The following RHO variants were observed in gnomAD, a reference collection of about 807,000 sequenced individuals.
The protein encoded by RHO is rhodopsin, also known as opsin 2, rod pigment.
In RHO, 21 loss-of-function variants were observed where a neutral mutation model predicts 31.2. The observed-to-expected ratio is 0.67, with a 90% CI of 0.48 to 0.97. The LOEUF is 0.97. RHO is among the 50% of genes least tolerant of loss of function. The probability of loss-of-function intolerance (pLI) is 0.00; values close to 1 mark genes in which losing one functional copy is unlikely to be tolerated. For missense variants in RHO, 414 were observed against 479.5 expected (o/e 0.86, Z 1.28); for synonymous variants, 211 against 196.6 (o/e 1.07, Z -0.61).
At chr3:129,530,549 C>CACAA (rs1553781108) in intron 1 of RHO, among the ~76,000 whole-genome samples, 3 of 151,516 alleles carry the variant, frequency 2.0e-5, no homozygotes, top group African/African-American at 7.3e-5. Flanking sequence ...CACACACACA[C>CACAA]ACACACACAC....
rs2084783716 is a variant in RHO, at chr3:129,532,023, G to A, written c.531-228G>A. Among the ~76,000 whole-genome samples the A allele has an allele frequency of 6.6e-6, 1 of 152,208 alleles. No homozygotes were observed. The highest frequency in any genetic ancestry group is 2.4e-5 in the African/African-American group (1 of 41,450). Reference sequence around the variant, plus strand: ...TGGGCATGCAGGGAGAGGCTGGGTGGTGTCATCTGGTAACGCAGCCACCAA... The same window carrying A: ...TGGGCATGCAGGGAGAGGCTGGGTGATGTCATCTGGTAACGCAGCCACCAA... On this transcript the variant is annotated intron_variant, in intron 2 of 4. Coordinates refer to ENST00000296271, the MANE Select transcript of RHO (RefSeq NM_000539.3). The surrounding 1 kb of genome is among the most constrained non-coding windows in gnomAD (Gnocchi z 5.5).
chr3:129,532,416 G>A lies in RHO; in HGVS notation c.696G>A (p.Glu232=). 1 of 1,614,060 alleles carries A rather than the reference G, an allele frequency of 6.2e-7. No individual in the cohort carries two copies. ...CYGQLVFTVK[E]AAAQQQESAT... ...GGCAGCTCGTCTTCACCGTCAAGGA[G>A]GTACGGGCCGGGGGGTGGGCGGCCT... is the stretch of plus-strand genomic sequence containing the variant. The change falls in exon 3 of 5, where the codon GAG becomes GAA. Residue 232 remains glutamate (E), a splice_region_variant and synonymous_variant. Coordinates refer to ENST00000296271, the MANE Select transcript of RHO (RefSeq NM_000539.3). This position sits in a 1 kb window ranked among gnomAD's most constrained non-coding sequence, Gnocchi z 5.5.
chr3:129,531,020 C>T lies in RHO; in HGVS notation c.506C>T (p.Ala169Val). ...FTWVMALACA[A>V]PPLAGWSRYI... ...TGGGTCATGGCGCTGGCCTGCGCCGCACCCCCACTCGCCGGCTGGTCCAGG... is the reference window on the plus strand; with the variant it reads ...TGGGTCATGGCGCTGGCCTGCGCCGTACCCCCACTCGCCGGCTGGTCCAGG... The change falls in exon 2 of 5, where the codon GCA becomes GTA. Residue 169 changes from alanine to valine, a missense_variant. Transcript: ENST00000296271. The T allele has an allele frequency of 6.2e-7, 1 of 1,614,110 alleles. No individual in the cohort carries two copies. The highest frequency in any genetic ancestry group is 2.2e-5 in the East Asian group (1 of 44,884).
rs548460589 is a variant in RHO, at chr3:129,533,750, G to A, written c.*32G>A. ...CCTAGGACTCTGTGGCCGACTATAG[G>A]CGTCTCCCATCCCCTACACCTTCCC... On this transcript the variant is annotated 3_prime_UTR_variant, in exon 5 of 5. Coordinates refer to ENST00000296271, the MANE Select transcript of RHO (RefSeq NM_000539.3). The A allele has an allele frequency of 1.0e-5, 15 of 1,463,680 alleles. No individual in the cohort carries two copies. The highest frequency in any genetic ancestry group is 1.3e-5 in the Non-Finnish European group (14 of 1,043,686). The allele number at this position is 1,463,680 out of a possible 1,614,324, so 90.7% of individuals were successfully genotyped here.
chr3:129,530,969 A>G lies in RHO; in HGVS notation c.455A>G (p.His152Arg). Residue 152 changes from histidine (H) to arginine (R), a missense_variant, in exon 2 of 5, where the codon CAT becomes CGT. By Grantham distance (29) the His-to-Arg change is conservative (BLOSUM62 0). Transcript: ENST00000296271. Reference protein sequence around the residue: ...PMSNFRFGENHAIMGVAFTWV... With the variant: ...PMSNFRFGENRAIMGVAFTWV... ...AGCAACTTCCGCTTCGGGGAGAACC[A>G]TGCCATCATGGGCGTTGCCTTCACC... The G allele has an allele frequency of 6.2e-7, 1 of 1,614,232 alleles. No individual in the cohort carries two copies. The highest frequency in any genetic ancestry group is 8.5e-7 in the Non-Finnish European group (1 of 1,180,034).
At position 129,532,597 on chromosome 3, in the gene RHO, T is replaced by C; in HGVS notation, c.761T>C (p.Val254Ala). The change falls in exon 4 of 5, where the codon GTC becomes GCC. Residue 254 changes from valine to alanine, a missense_variant. By Grantham distance (64) the Val-to-Ala change is moderately conservative. Coordinates refer to ENST00000296271, the MANE Select transcript of RHO (RefSeq NM_000539.3). This position sits in a 1 kb window ranked among gnomAD's most constrained non-coding sequence, Gnocchi z 5.5. ...QKAEKEVTRM[V>A]IIMVIAFLIC... ...GCAGAGAAGGAGGTCACCCGCATGG[T>C]CATCATCATGGTCATCGCTTTCCTG... 1.2e-6 allele frequency: 2 copies of C among 1,614,154 alleles called. No homozygotes were observed. The highest frequency in any genetic ancestry group is 1.7e-6 in the Non-Finnish European group (2 of 1,180,038).
Position 129,532,211 on chromosome 3 carries a change from G to C in RHO, c.531-40G>C. On this transcript the variant is annotated intron_variant, in intron 2 of 4. Coordinates refer to ENST00000296271, the MANE Select transcript of RHO (RefSeq NM_000539.3). This position sits in a 1 kb window ranked among gnomAD's most constrained non-coding sequence, Gnocchi z 5.5. ...CGGCAGCCACCTTGGCTGTTCCCAA[G>C]TCCCTCACAGGCAGGGTCTCCCTAC... 1 of 1,594,122 alleles carries C rather than the reference G, an allele frequency of 6.3e-7. No individual in the cohort carries two copies. The highest frequency in any genetic ancestry group is 8.6e-7 in the Non-Finnish European group (1 of 1,162,124).
At position 129,530,982 on chromosome 3, in the gene RHO, C is replaced by T. The variant is rs760667657; in HGVS notation, c.468C>T (p.Gly156=). 1.2e-5 allele frequency: 20 copies of T among 1,614,148 alleles called. No homozygotes were observed. The highest frequency in any genetic ancestry group is 5.5e-5 in the South Asian group (5 of 91,096). ...FRFGENHAIM[G]VAFTWVMALA... ...TCGGGGAGAACCATGCCATCATGGG[C>T]GTTGCCTTCACCTGGGTCATGGCGC... Residue 156 remains glycine (G), a synonymous_variant, in exon 2 of 5, where the codon GGC becomes GGT. Coordinates refer to ENST00000296271, the MANE Select transcript of RHO (RefSeq NM_000539.3).
In RHO at chr3:129,532,478, C is replaced by T. The variant is rs370370574; in HGVS notation, c.697-55C>T. On this transcript the variant is annotated intron_variant, in intron 3 of 4. Transcript: ENST00000296271. The surrounding 1 kb of genome is among the most constrained non-coding windows in gnomAD (Gnocchi z 5.5). Reference sequence around the variant, plus strand: ...GGGTCCAGCCCCCAGCATGCATCTGCGGCTCCTGCTCCCTGGAGGAGCCAT... The same window carrying T: ...GGGTCCAGCCCCCAGCATGCATCTGTGGCTCCTGCTCCCTGGAGGAGCCAT... 114 of 1,613,724 alleles carry T rather than the reference C, an allele frequency of 7.1e-5. No individual in the cohort carries two copies. In the East Asian group the frequency reaches 2.0e-3, roughly 28 times the overall value.
rs750519691 is a variant in RHO, at chr3:129,529,129, C to T, written c.361+35C>T. On this transcript the variant is annotated intron_variant, in intron 1 of 4. Coordinates refer to ENST00000296271, the MANE Select transcript of RHO (RefSeq NM_000539.3). ...GGGTGTGGGTGGGGTGTGCAGGAGC[C>T]CGGGAGCATGGAGGGGTCTGGGAGA... 8.8e-6 allele frequency: 14 copies of T among 1,597,858 alleles called. No individual in the cohort carries two copies. In the South Asian group the frequency reaches 1.4e-4, roughly 17 times the overall value.
Position 129,532,813 on chromosome 3 carries a change from C to T in RHO, c.936+41C>T, listed in dbSNP as rs2084793937. 1 of 1,611,848 alleles carries T rather than the reference C, an allele frequency of 6.2e-7. No homozygotes were observed. The highest frequency in any genetic ancestry group is 2.2e-5 in the East Asian group (1 of 44,888). On this transcript the variant is annotated intron_variant, in intron 4 of 4. Coordinates refer to ENST00000296271, the MANE Select transcript of RHO (RefSeq NM_000539.3). This position sits in a 1 kb window ranked among gnomAD's most constrained non-coding sequence, Gnocchi z 5.5. ...GGGAGGGCCCCAGTGCCCCAGGCCA[C>T]AGGCGCTGCCTGCCAAGGACAAGCT...
chr3:129,532,733 C>T lies in RHO; in HGVS notation c.897C>T (p.Ala299=), dbSNP rs2084793172. 2 of 1,614,148 alleles carry T rather than the reference C, an allele frequency of 1.2e-6. No individual in the cohort carries two copies. The highest frequency in any genetic ancestry group is 1.7e-6 in the Non-Finnish European group (2 of 1,180,054). ...CAGCGTTCTTTGCCAAGAGCGCCGC[C>T]ATCTACAACCCTGTCATCTATATCA... ...TIPAFFAKSA[A]IYNPVIYIMM... Residue 299 remains alanine, a synonymous_variant, in exon 4 of 5, where the codon GCC becomes GCT. Coordinates refer to ENST00000296271, the MANE Select transcript of RHO (RefSeq NM_000539.3). This position sits in a 1 kb window ranked among gnomAD's most constrained non-coding sequence, Gnocchi z 5.5.
At chr3:129,529,687 G>A (rs1267882076) in intron 1 of RHO, among the ~76,000 whole-genome samples, 1 of 152,214 alleles carries the variant, frequency 6.6e-6, no homozygotes, top group Non-Finnish European at 1.5e-5. Flanking sequence ...TGCCCCTCCA[G>A]CCTCCCTGCC....
chr3:129,530,798 C>A, intron 1 of RHO, 78 bp from the exon 2 acceptor site: 1 of 1,584,860 alleles, frequency 6.3e-7, no homozygotes, highest in Non-Finnish European at 8.7e-7. Flanking sequence ...TTCCTAGCTA[C>A]CCTCTCCCTG....
chr3:129,534,807 A>G lies in RHO; in HGVS notation c.*1089A>G, dbSNP rs1001703259. On this transcript the variant is annotated 3_prime_UTR_variant, in exon 5 of 5. Transcript: ENST00000296271. ...CTAGAGCATGGAGCCTCTAGAAGCC[A>G]TGCTCACCCGCCCACATTTAATTAA... 3 of 152,610 alleles carry G rather than the reference A, an allele frequency of 2.0e-5. No homozygotes were observed. Among genetic ancestry groups the G allele is most frequent in the Admixed American group, 6.5e-5 (1 of 15,282 alleles). The allele number at this position is 152,610 out of a possible 1,614,324, so 9.5% of individuals were successfully genotyped here. A position where few individuals can be genotyped will look rare whatever the true frequency, so the allele number is the denominator to read the frequency against.
rs2084803976 is a variant in RHO, at chr3:129,534,005, G to A, written c.*287G>A. The A allele has an allele frequency of 5.0e-6, 2 of 397,820 alleles. No homozygotes were observed. The highest frequency in any genetic ancestry group is 9.4e-6 in the Non-Finnish European group (2 of 213,484). The allele number at this position is 397,820 out of a possible 1,614,324, so 24.6% of individuals were successfully genotyped here. On this transcript the variant is annotated 3_prime_UTR_variant, in exon 5 of 5. Coordinates refer to ENST00000296271, the MANE Select transcript of RHO (RefSeq NM_000539.3). Reference sequence around the variant, plus strand: ...CCCAACTCATCTTTCAGGAACACGAGGATTCTTGCTTTCTGGAAAAGTGTC... The same window carrying A: ...CCCAACTCATCTTTCAGGAACACGAAGATTCTTGCTTTCTGGAAAAGTGTC...
At chr3:129,531,203 C>G (rs1460444620) in intron 2 of RHO, among the ~76,000 whole-genome samples, 159 bp downstream of exon 2, 1 of 152,220 alleles carries the variant, frequency 6.6e-6, no homozygotes, top group African/African-American at 2.4e-5. Flanking sequence ...GAAGAAGAAA[C>G]AGACTCTAAT....
chr3:129,531,093 G>A, intron 2 of RHO, 49 bp downstream of exon 2: 1 of 1,600,320 alleles, frequency 6.2e-7, no homozygotes, highest in Non-Finnish European at 8.5e-7. Flanking sequence ...TCTTTGTAGG[G>A]TCCTCCAGTC....
rs1184141164 is a variant in RHO, at chr3:129,528,718, C to T, written c.-16C>T. The T allele has an allele frequency of 6.2e-7, 1 of 1,614,060 alleles. No homozygotes were observed. Among genetic ancestry groups the T allele is most frequent in the Non-Finnish European group, 8.5e-7 (1 of 1,180,012 alleles). On this transcript the variant is annotated 5_prime_UTR_variant, in exon 1 of 5. Coordinates refer to ENST00000296271, the MANE Select transcript of RHO (RefSeq NM_000539.3). Reference sequence around the variant, plus strand: ...TGGGTGGGAGCAGCCACGGGTCAGCCACAAGGGCCACAGCCATGAATGGCA... The same window carrying T: ...TGGGTGGGAGCAGCCACGGGTCAGCTACAAGGGCCACAGCCATGAATGGCA...
Sources: allele counts gnomAD v4.1 joint callset (sites outside exome capture counted in the v4.1 genomes callset), GRCh38; gene constraint gnomAD v4.1.1; non-coding constraint Gnocchi (gnomAD v3.1); transcripts MANE v1.5; gene names NCBI Gene and HGNC (gene_info 2026-07-23, HGNC 2026-07-21).